SPECC1: variants seen among roughly 807,000 people sequenced by gnomAD.
The protein encoded by SPECC1 is cytospin-B.
In SPECC1, 62 loss-of-function variants were observed where a neutral mutation model predicts 104.1. That is an observed-to-expected ratio of 0.60 (90% CI 0.49 to 0.74). The LOEUF (loss-of-function observed/expected upper bound fraction) is 0.74, where lower values mean the gene tolerates loss of function less well. Ranked by LOEUF, SPECC1 falls within the 30% of genes least tolerant of loss-of-function variation. The probability of loss-of-function intolerance (pLI) is 0.00; values close to 1 mark genes in which losing one functional copy is unlikely to be tolerated. For missense variants in SPECC1, 1,306 were observed against 1,310.5 expected (o/e 1.00, Z 0.05); for synonymous variants, 513 against 501.6 (o/e 1.02, Z -0.30).
intron 1 of SPECC1, among the ~76,000 whole-genome samples, chr17:20,087,780 T>G (rs1332983348): frequency 6.6e-6 from 1 of 152,074 alleles, no homozygotes; most frequent in African/African-American, 2.4e-5. Context: ...TGACAGAAAA[T>G]CAATGGCAGA....
chr17:20,169,692 A>C (rs928648670), intron 3 of SPECC1, among the ~76,000 whole-genome samples: 2 of 152,048 alleles, frequency 1.3e-5, no homozygotes, highest in East Asian at 1.9e-4. Flanking sequence ...CCCAAGAGAC[A>C]GGGGCTTGCT....
chr17:20,312,370 T>G (rs1368609104), intron 14 of SPECC1, among the ~76,000 whole-genome samples: 1 of 152,104 alleles, frequency 6.6e-6, no homozygotes, highest in Non-Finnish European at 1.5e-5. Flanking sequence ...ATGTTAACAA[T>G]GTACTAAATA....
At chr17:20,020,004 A>T (rs1567796561) in intron 1 of SPECC1, among the ~76,000 whole-genome samples, 1 of 152,214 alleles carries the variant, frequency 6.6e-6, no homozygotes, top group Non-Finnish European at 1.5e-5. Context: ...CTGCAGGGTG[A>T]CATGCATAGA....
At chr17:20,193,187 C>T (rs946745473) in intron 3 of SPECC1, among the ~76,000 whole-genome samples, 4 of 152,132 alleles carry the variant, frequency 2.6e-5, no homozygotes, top group East Asian at 3.8e-4. Context: ...GTAGTGAGGA[C>T]GACCAGAGGT....
chr17:20,189,965 G>A (rs2035549246), intron 3 of SPECC1, among the ~76,000 whole-genome samples: 1 of 152,172 alleles, frequency 6.6e-6, no homozygotes, highest in Non-Finnish European at 1.5e-5. Flanking sequence ...TCATTTGCAT[G>A]AGTGTAGGAC....
At chr17:20,156,368 T>C in intron 3 of SPECC1, 1 of 1,051,398 alleles carries the variant, frequency 9.5e-7, no homozygotes, top group Non-Finnish European at 1.2e-6. Flanking sequence ...GTGTGATTCT[T>C]GTCGTTGGAA....
chr17:20,202,777 G>A (rs183113670), intron 3 of SPECC1, among the ~76,000 whole-genome samples: 2 of 152,134 alleles, frequency 1.3e-5, no homozygotes, highest in Non-Finnish European at 2.9e-5. Context: ...AGTTTTGACT[G>A]CATGAAAGGT....
chr17:20,129,330 C>T (rs1000386530), intron 3 of SPECC1, among the ~76,000 whole-genome samples: 3 of 151,798 alleles, frequency 2.0e-5, no homozygotes, highest in Non-Finnish European at 2.9e-5. Context: ...GGACTACAGG[C>T]GCCTGCCACC....
At chr17:20,159,449 CTTTAA>C (rs2032931792) in intron 3 of SPECC1, among the ~76,000 whole-genome samples, 1 of 152,248 alleles carries the variant, frequency 6.6e-6, no homozygotes, top group South Asian at 2.1e-4. Context: ...GGGAGAGTCT[CTTTAA>C]AGAGTAAAGA....
intron 7 of SPECC1, chr17:20,239,196 A>G (rs2039078966): frequency 9.8e-7 from 1 of 1,021,048 alleles, no homozygotes; most frequent in Non-Finnish European, 1.2e-6. Context: ...TGACATTTAA[A>G]TATGAATAGA....
At chr17:20,092,669 C>T (rs940480238) in intron 1 of SPECC1, among the ~76,000 whole-genome samples, 1 of 152,192 alleles carries the variant, frequency 6.6e-6, no homozygotes, top group African/African-American at 2.4e-5. Context: ...CTCCGTTGAA[C>T]ACCATCAACA....
At position 20,318,195 on chromosome 17, in the gene SPECC1, A is replaced by G. The variant is rs2042064130; in HGVS notation, c.*4130A>G. 4.3e-6 allele frequency: 1 copy of G among 231,540 alleles called. No homozygotes were observed. Among genetic ancestry groups the G allele is most frequent in the East Asian group, 6.1e-5 (1 of 16,388 alleles). 14.3% of individuals were successfully genotyped at this position (231,540 alleles called of 1,614,324 possible). ...ACATGAAAGACAGCTGCAAAATGCA[A>G]GCCCCAGTAGAGTTGGAGAGTTTTT... is the stretch of plus-strand genomic sequence containing the variant. On this transcript the variant is annotated 3_prime_UTR_variant, in exon 15 of 15. Coordinates refer to ENST00000395527, the MANE Select transcript of SPECC1 (RefSeq NM_001243439.2).
intron 3 of SPECC1, among the ~76,000 whole-genome samples, chr17:20,200,599 C>T (rs2036361679): frequency 6.6e-6 from 1 of 152,196 alleles, no homozygotes; most frequent in Non-Finnish European, 1.5e-5. Flanking sequence ...CATGGCCAGT[C>T]TCAGGACTTC....
chr17:20,295,635 A>C (rs566311183), intron 12 of SPECC1, among the ~76,000 whole-genome samples: 10 of 152,340 alleles, frequency 6.6e-5, no homozygotes, highest in African/African-American at 1.9e-4. Context: ...CAGTCCCACC[A>C]ACAGTGTAAA....
chr17:20,203,366 TGTCTGG>T (rs2036560128), intron 3 of SPECC1, among the ~76,000 whole-genome samples: 1 of 152,164 alleles, frequency 6.6e-6, no homozygotes, highest in Non-Finnish European at 1.5e-5. Context: ...TGGAGACTGA[TGTCTGG>T]GTTTCACCCC....
chr17:20,122,534 A>C (rs1311293691), intron 3 of SPECC1, among the ~76,000 whole-genome samples: 1 of 152,216 alleles, frequency 6.6e-6, no homozygotes, highest in Non-Finnish European at 1.5e-5. Context: ...GTTCAGCGGC[A>C]TTAAGTTCAT....
In SPECC1 at chr17:20,205,670, A is replaced by G; in HGVS notation, c.1621A>G (p.Arg541Gly). The change falls in exon 4 of 15, where the codon AGA (arginine) becomes GGA (glycine). Residue 541 changes from arginine to glycine, a missense_variant. Around this residue, in one of 2 missense-constraint regions of SPECC1, gnomAD observed 1,177 missense variants for 1,139.9 expected, o/e 1.03. Coordinates refer to ENST00000395527, the MANE Select transcript of SPECC1 (RefSeq NM_001243439.2). Reference sequence around the variant, plus strand: ...GATGGCCAAAACTTTGGAAGAGTGTAGAGTTACCTTGGAAGGGCTAAAAAT... The same window carrying G: ...GATGGCCAAAACTTTGGAAGAGTGTGGAGTTACCTTGGAAGGGCTAAAAAT... ...NMMAKTLEEC[R>G]VTLEGLKMEN... The G allele has an allele frequency of 6.2e-7, 1 of 1,614,228 alleles. No individual in the cohort carries two copies. The highest frequency in any genetic ancestry group is 8.5e-7 in the Non-Finnish European group (1 of 1,180,028).
At chr17:20,044,364 A>G (rs1465218180) in intron 1 of SPECC1, among the ~76,000 whole-genome samples, 1 of 152,190 alleles carries the variant, frequency 6.6e-6, no homozygotes, top group Admixed American at 6.5e-5. Flanking sequence ...TAATCTGTAT[A>G]TAGCTCACCC....
chr17:20,089,397 C>T (rs1474561382), intron 1 of SPECC1, among the ~76,000 whole-genome samples: 5 of 151,776 alleles, frequency 3.3e-5, no homozygotes, highest in East Asian at 1.9e-4. Flanking sequence ...AGGCTTGACG[C>T]GGGAGGATCA....
Sources: gnomAD v4.1 joint callset for allele counts (sites outside exome capture counted in the v4.1 genomes callset) on GRCh38, gnomAD v4.1.1 for gene constraint, gnomAD v4.1.1 regional missense constraint, MANE v1.5 for transcripts, NCBI Gene and HGNC (gene_info 2026-07-23, HGNC 2026-07-21) for gene names.